The following NDST4 variants were observed in gnomAD, a reference collection of about 807,000 sequenced individuals.
NDST4 encodes N-heparan sulfate sulfotransferase 4.
NDST4 carries 63 observed loss-of-function variants against 100.8 expected under a neutral mutation model. The observed-to-expected ratio is 0.62, with a 90% CI of 0.51 to 0.77. NDST4 has a LOEUF of 0.77. Ranked by LOEUF, NDST4 falls within the 30% of genes least tolerant of loss-of-function variation. NDST4 has a pLI of 0.00. For missense variants in NDST4, 943 were observed against 1,018.4 expected (o/e 0.93, Z 1.01); for synonymous variants, 377 against 361.8 (o/e 1.04, Z -0.48).
chr4:115,038,886 AG>A (rs1288155265), intron 2 of NDST4, among the ~76,000 whole-genome samples: 35 of 152,254 alleles, frequency 2.3e-4, no homozygotes, highest in African/African-American at 7.9e-4. Flanking sequence ...TGAGTGTGTT[AG>A]GAGGCTCACT....
At chr4:115,025,046 T>C (rs144321169) in intron 2 of NDST4, among the ~76,000 whole-genome samples, 1 of 152,332 alleles carries the variant, frequency 6.6e-6, no homozygotes, top group East Asian at 1.9e-4. Flanking sequence ...ATGCTGGTGC[T>C]ATGTCCCTAG....
At chr4:114,915,931 T>C (rs1007070798) in intron 6 of NDST4, among the ~76,000 whole-genome samples, 1 of 152,110 alleles carries the variant, frequency 6.6e-6, no homozygotes, top group Admixed American at 6.6e-5. Context: ...CTTAAAATCG[T>C]AATATTCTCA....
intron 10 of NDST4, among the ~76,000 whole-genome samples, chr4:114,841,798 T>C (rs899741165): frequency 6.6e-6 from 1 of 152,232 alleles, no homozygotes; most frequent in Non-Finnish European, 1.5e-5. Context: ...ACTCGTGTAT[T>C]AGATAAATTC....
intron 1 of NDST4, among the ~76,000 whole-genome samples, chr4:115,086,693 C>T (rs974665199): frequency 2.6e-5 from 4 of 152,038 alleles, no homozygotes; most frequent in Non-Finnish European, 4.4e-5. Context: ...TTTCTTTTAT[C>T]ACCATTTCCT....
Position 115,077,019 on chromosome 4 carries a change from T to C in NDST4, c.18A>G (p.Lys6=), listed in dbSNP as rs574726224. The change falls in exon 2 of 14, where the codon AAA becomes AAG. Residue 6 remains lysine (K), a synonymous_variant. Coordinates refer to ENST00000264363, the MANE Select transcript of NDST4 (RefSeq NM_022569.3). MNLIV[K]LRRSFRTLIV... ...TCAATGTTCGAAAACTTCTCCGAAG[T>C]TTCACAATAAGATTCATTTTTTAGA... 49 of 1,600,714 alleles carry C rather than the reference T, an allele frequency of 3.1e-5. No individual in the cohort carries two copies. In the East Asian group the frequency reaches 1.1e-3, roughly 34 times the overall value.
chr4:114,972,773 C>G (rs1726542403), intron 3 of NDST4, among the ~76,000 whole-genome samples: 1 of 151,900 alleles, frequency 6.6e-6, no homozygotes, highest in South Asian at 2.1e-4. Flanking sequence ...CTCTGCTGAT[C>G]ATTATTGCAA....
intron 2 of NDST4, among the ~76,000 whole-genome samples, chr4:115,011,700 T>TA (rs1047978462): frequency 6.6e-6 from 1 of 151,952 alleles, no homozygotes; most frequent in African/African-American, 2.4e-5. Flanking sequence ...TAAAAGTTTT[T>TA]ATCTCTGTGA....
At chr4:115,013,227 C>T (rs1033101350) in intron 2 of NDST4, among the ~76,000 whole-genome samples, 3 of 150,340 alleles carry the variant, frequency 2.0e-5, no homozygotes, top group African/African-American at 7.3e-5. Flanking sequence ...ATGTTTATAA[C>T]ACAAAGAAAT....
chr4:114,931,740 T>G (rs1725519113), intron 6 of NDST4, among the ~76,000 whole-genome samples: 1 of 151,754 alleles, frequency 6.6e-6, no homozygotes, highest in Non-Finnish European at 1.5e-5. Context: ...CAGGTTAACC[T>G]AGAAGAAACA....
At chr4:115,099,881 T>C (rs1191843333) in intron 1 of NDST4, among the ~76,000 whole-genome samples, 6 of 152,144 alleles carry the variant, frequency 3.9e-5, no homozygotes, top group Admixed American at 3.9e-4. Context: ...GCAGCTTTAT[T>C]TATAGATGCC....
At chr4:114,982,252 T>C (rs1726792768) in intron 2 of NDST4, among the ~76,000 whole-genome samples, 1 of 152,126 alleles carries the variant, frequency 6.6e-6, no homozygotes, top group African/African-American at 2.4e-5. Context: ...GACAGGAAGA[T>C]GTGGGAAAGG....
At chr4:114,969,173 G>A (rs1315662924) in intron 4 of NDST4, among the ~76,000 whole-genome samples, 2 of 151,830 alleles carry the variant, frequency 1.3e-5, no homozygotes, top group Admixed American at 1.3e-4. Context: ...AATTAGCCGG[G>A]CGTAGTGGCG....
intron 1 of NDST4, among the ~76,000 whole-genome samples, chr4:115,108,831 G>A (rs1349775901): frequency 2.6e-5 from 4 of 151,778 alleles, no homozygotes; most frequent in African/African-American, 9.7e-5. Context: ...CACTTACTCT[G>A]TGTTCAAACC....
Position 114,970,541 on chromosome 4 carries a change from A to T in NDST4, c.1110T>A (p.Ser370=). 1 of 1,614,006 alleles carries T rather than the reference A, an allele frequency of 6.2e-7. No individual in the cohort carries two copies. The highest frequency in any genetic ancestry group is 8.5e-7 in the Non-Finnish European group (1 of 1,179,884). ...EDEGDDLLLR[S]VDEFWWFPHM... is the part of the protein sequence containing the mutation. ...GAGGAAACCACCAGAACTCATCCACAGACCGAAGTAAAAGGTCATCTCCTT... is the reference window on the plus strand; with the variant it reads ...GAGGAAACCACCAGAACTCATCCACTGACCGAAGTAAAAGGTCATCTCCTT... The change falls in exon 4 of 14, where the codon TCT becomes TCA. Residue 370 remains serine (S), a synonymous_variant. Coordinates refer to ENST00000264363, the MANE Select transcript of NDST4 (RefSeq NM_022569.3).
At chr4:115,064,351 A>G (rs1728887028) in intron 2 of NDST4, among the ~76,000 whole-genome samples, 1 of 151,988 alleles carries the variant, frequency 6.6e-6, no homozygotes, top group South Asian at 2.1e-4. Flanking sequence ...TAGGCAGAAC[A>G]ACTAAAAGTA....
At chr4:114,886,228 A>T (rs939047749) in intron 6 of NDST4, among the ~76,000 whole-genome samples, 3 of 152,114 alleles carry the variant, frequency 2.0e-5, no homozygotes, top group Non-Finnish European at 4.4e-5. Flanking sequence ...ACTTTAAAGA[A>T]AGTATTTGAA....
intron 2 of NDST4, among the ~76,000 whole-genome samples, chr4:115,045,127 CA>C: frequency 6.6e-6 from 1 of 151,932 alleles, no homozygotes; most frequent in Admixed American, 6.6e-5. Flanking sequence ...GAGAAATCCA[CA>C]AAAATAAGAC....
chr4:114,846,143 A>T, intron 9 of NDST4, 146 bp from the exon 10 acceptor site: 2 of 741,388 alleles, frequency 2.7e-6, no homozygotes, highest in Non-Finnish European at 4.2e-6. Context: ...GATATTCTAT[A>T]CACATTGAAT....
intron 2 of NDST4, among the ~76,000 whole-genome samples, chr4:115,023,398 T>A (rs921762122): frequency 2.7e-5 from 4 of 147,960 alleles, no homozygotes; most frequent in Non-Finnish European, 5.9e-5. Flanking sequence ...GGCAGGAGAA[T>A]CACTTGAACC....
Sources: gnomAD v4.1 joint callset for allele counts (sites outside exome capture counted in the v4.1 genomes callset) on GRCh38, gnomAD v4.1.1 for gene constraint, MANE v1.5 for transcripts, NCBI Gene and HGNC (gene_info 2026-07-23, HGNC 2026-07-21) for gene names.